The following EPB41L4A variants were observed in gnomAD, a reference collection of about 807,000 sequenced individuals.
EPB41L4A encodes band 4.1-like protein 4A.
EPB41L4A carries 100 observed loss-of-function variants against 108.6 expected under a neutral mutation model. The ratio of observed to expected loss-of-function variants is 0.92; its 90% CI spans 0.78 to 1.09. The LOEUF (loss-of-function observed/expected upper bound fraction) is 1.09. Among genes scored for constraint, EPB41L4A ranks in the 50% least tolerant of loss-of-function variants. EPB41L4A has a pLI of 0.00. For missense variants in EPB41L4A, 1,030 were observed against 842.7 expected (o/e 1.22, Z -2.75); for synonymous variants, 319 against 289.0 (o/e 1.10, Z -1.05).
Position 112,307,389 on chromosome 5 carries a change from C to G in EPB41L4A, c.201G>C (p.Gln67His), listed in dbSNP as rs184036385. Reference sequence around the variant, plus strand: ...AACACAAAGTCACCTTACTCACCGTCTGATGGCTTCTGTCACAGTAACGTA... The same window carrying G: ...AACACAAAGTCACCTTACTCACCGTGTGATGGCTTCTGTCACAGTAACGTA... ...FGLRYCDRSHQTYWLDPAKTL... is the reference protein window; with the variant it reads ...FGLRYCDRSHHTYWLDPAKTL... Residue 67 changes from glutamine to histidine, a missense_variant, in exon 2 of 23, where the codon CAG becomes CAC. By Grantham distance (24) the Gln-to-His change is conservative. Transcript: ENST00000261486. 1.4e-3 allele frequency: 2,233 copies of G among 1,603,088 alleles called. 1 individual carries two copies. The highest frequency in any genetic ancestry group is 1.8e-3 in the Non-Finnish European group (2,086 of 1,170,718).
At chr5:112,276,053 G>A (rs530032563) in intron 3 of EPB41L4A, among the ~76,000 whole-genome samples, 3 of 152,058 alleles carry the variant, frequency 2.0e-5, no homozygotes, top group South Asian at 2.1e-4. Flanking sequence ...TGGGAAGAAG[G>A]GCTAGAAACA....
intron 1 of EPB41L4A, among the ~76,000 whole-genome samples, chr5:112,344,587 A>C (rs2150710101): frequency 6.6e-6 from 1 of 152,354 alleles, no homozygotes; most frequent in East Asian, 1.9e-4. Flanking sequence ...GAAGTCTATA[A>C]GCTGTTTACG....
chr5:112,312,986 C>A (rs1159023672), intron 1 of EPB41L4A, among the ~76,000 whole-genome samples: 2 of 151,762 alleles, frequency 1.3e-5, no homozygotes, highest in African/African-American at 4.8e-5. Flanking sequence ...GGATTTATTA[C>A]AGGAAAAAAG....
rs1195073030 is a variant in EPB41L4A, at chr5:112,164,812, C to T, written c.*178G>A. On this transcript the variant is annotated 3_prime_UTR_variant, in exon 23 of 23. Transcript: ENST00000261486. ...CGGTGCCGCTGCACTCCAGCCTGGG[C>T]GACAGAGTGATAACATCTCAAAAAA... 2.3e-5 allele frequency: 13 copies of T among 571,286 alleles called. No homozygotes were observed. The South Asian group carries it at 3.3e-4, about 14-fold the overall frequency. The allele number at this position is 571,286 out of a possible 1,614,324, so 35.4% of individuals were successfully genotyped here. A position where few individuals can be genotyped will look rare whatever the true frequency, so the allele number is the denominator to read the frequency against.
intron 1 of EPB41L4A, among the ~76,000 whole-genome samples, chr5:112,346,785 G>T (rs1252755327): frequency 6.6e-6 from 1 of 152,254 alleles, no homozygotes; most frequent in East Asian, 1.9e-4. Context: ...AACAGAATTT[G>T]CATTTCATTA....
At chr5:112,193,736 C>T (rs1383241635) in intron 17 of EPB41L4A, among the ~76,000 whole-genome samples, 1 of 152,208 alleles carries the variant, frequency 6.6e-6, no homozygotes, top group Non-Finnish European at 1.5e-5. Context: ...TATTTGTTGC[C>T]AGGTCCTGTC....
intron 22 of EPB41L4A, among the ~76,000 whole-genome samples, chr5:112,166,764 G>C (rs369518684): frequency 6.6e-6 from 1 of 152,308 alleles, no homozygotes; most frequent in South Asian, 2.1e-4. Flanking sequence ...TTTGTGTCAC[G>C]TGTTACTGTT....
intron 12 of EPB41L4A, among the ~76,000 whole-genome samples, chr5:112,154,374 G>C (rs150358763): frequency 1.2e-4 from 19 of 152,190 alleles, no homozygotes; most frequent in African/African-American, 4.3e-4. Context: ...TTTGTACTTT[G>C]GACATATGCA....
chr5:112,215,767 A>AAC (rs1230775968), intron 12 of EPB41L4A, among the ~76,000 whole-genome samples: 7 of 147,174 alleles, frequency 4.8e-5, no homozygotes, highest in South Asian at 2.1e-4. Flanking sequence ...CATCTCAAAA[A>AAC]AAAAAAAAAA....
In EPB41L4A at chr5:112,328,777, AT is replaced by A. The variant is rs1384841405; in HGVS notation, c.100-21288del. Among the ~76,000 whole-genome samples, 3 of 152,228 alleles carry A rather than the reference AT, an allele frequency of 2.0e-5. No individual in the cohort carries two copies. The East Asian group carries it at 5.8e-4, about 29-fold the overall frequency. ...CTAGTAAAACTTCTCAATTCCTTGC[AT>A]TTTTTGGTTAGTTGATACATTAGAA... On this transcript the variant is annotated intron_variant, in intron 1 of 22. Transcript: ENST00000261486.
chr5:112,213,534 A>T (rs1213317319), intron 12 of EPB41L4A, among the ~76,000 whole-genome samples: 2 of 152,046 alleles, frequency 1.3e-5, no homozygotes, highest in African/African-American at 2.4e-5. Context: ...TTTTTAGTAG[A>T]GATGGGGTTT....
In EPB41L4A at chr5:112,204,467, A is replaced by T. The variant is rs1479393788; in HGVS notation, c.1284T>A (p.Ser428Arg). 3.7e-6 allele frequency: 6 copies of T among 1,613,276 alleles called. No homozygotes were observed. The Admixed American group carries it at 8.3e-5, about 22-fold the overall frequency. Residue 428 changes from serine (S) to arginine (R), a missense_variant, in exon 15 of 23, where the codon AGT becomes AGA. Coordinates refer to ENST00000261486, the MANE Select transcript of EPB41L4A (RefSeq NM_022140.5). The part of the protein sequence containing the change: ...GPQSGLYNSP[S>R]DRTKSPKFPY... ...GGAACTTTGGCGACTTAGTGCGATC[A>T]CTGGGAGAATTGTAGAGTCCACTGG...
At chr5:112,371,290 G>A (rs1384916590) in intron 1 of EPB41L4A, among the ~76,000 whole-genome samples, 2 of 152,158 alleles carry the variant, frequency 1.3e-5, no homozygotes, top group African/African-American at 4.8e-5. Flanking sequence ...CAAAAGATGT[G>A]TTAGTTAGCA....
Position 112,419,012 on chromosome 5 carries a change from C to A in EPB41L4A, c.28G>T (p.Glu10Ter). MGCFCAVPE[E>*]FYCEVLLLDE... Reference sequence around the variant, plus strand: ...AGGAGCAAAACTTCGCAGTAAAATTCTTCCGGAACAGCGCAGAAACAGCCC... The same window carrying A: ...AGGAGCAAAACTTCGCAGTAAAATTATTCCGGAACAGCGCAGAAACAGCCC... Residue 10 changes from glutamate to a stop codon, truncating the protein, a stop_gained, in exon 1 of 23, where the codon GAA (glutamate) becomes TAA (stop). Coordinates refer to ENST00000261486, the MANE Select transcript of EPB41L4A (RefSeq NM_022140.5). LOFTEE classifies it high-confidence loss of function. 1.9e-6 allele frequency: 3 copies of A among 1,613,712 alleles called. No individual in the cohort carries two copies. The highest frequency in any genetic ancestry group is 2.5e-6 in the Non-Finnish European group (3 of 1,179,742).
chr5:112,311,676 C>T (rs1241679304), intron 1 of EPB41L4A, among the ~76,000 whole-genome samples: 2 of 152,148 alleles, frequency 1.3e-5, no homozygotes, highest in Admixed American at 6.5e-5. Flanking sequence ...CTGCTGCACC[C>T]CAGCCTGGGC....
chr5:112,290,412 G>C (rs142945670), intron 2 of EPB41L4A, among the ~76,000 whole-genome samples: 9 of 152,120 alleles, frequency 5.9e-5, no homozygotes, highest in African/African-American at 2.2e-4. Flanking sequence ...AAATCTCTTA[G>C]GACCAGGGCA....
At chr5:112,148,395 A>G (rs1369411500) in intron 12 of EPB41L4A, among the ~76,000 whole-genome samples, 10 of 151,654 alleles carry the variant, frequency 6.6e-5, no homozygotes, top group African/African-American at 2.4e-4. Context: ...AATTACATTT[A>G]TTATAAGAAT....
At chr5:112,312,805 T>C (rs1432266807) in intron 1 of EPB41L4A, among the ~76,000 whole-genome samples, 2 of 152,190 alleles carry the variant, frequency 1.3e-5, no homozygotes, top group African/African-American at 2.4e-5. Context: ...TTCATTCTTC[T>C]TATGGGTACT....
chr5:112,392,602 G>A (rs1761026487), intron 1 of EPB41L4A: 1 of 152,054 alleles, frequency 6.6e-6, no homozygotes, highest in Non-Finnish European at 1.5e-5. Flanking sequence ...AGTCCTTAGA[G>A]ACCTATAAAG....
Sources: gnomAD v4.1 joint callset for allele counts (sites outside exome capture counted in the v4.1 genomes callset) on GRCh38, gnomAD v4.1.1 for gene constraint, MANE v1.5 for transcripts, NCBI Gene and HGNC (gene_info 2026-07-23, HGNC 2026-07-21) for gene names.